Variants in CHRDL2 observed in about 807,000 individuals in gnomAD.
CHRDL2 encodes chordin-like protein 2.
CHRDL2 carries 41 observed loss-of-function variants against 54.3 expected under a neutral mutation model. That is an observed-to-expected ratio of 0.76 (90% CI 0.59 to 0.98). CHRDL2 has a LOEUF of 0.98. Ranked by LOEUF, CHRDL2 falls within the 50% of genes least tolerant of loss-of-function variation. The pLI is 0.00. For missense variants in CHRDL2, 518 were observed against 562.4 expected (o/e 0.92, Z 0.80); for synonymous variants, 220 against 224.3 (o/e 0.98, Z 0.17).
rs1390795792 is a variant in CHRDL2 at position 74,696,505 on chromosome 11, T to G, written c.*4A>C. ...AGCTCATATCTGCAACTGTTAGGTCTTTGTTATGTCTTGGTCACTTTGTCT... is the reference window on the plus strand; with the variant it reads ...AGCTCATATCTGCAACTGTTAGGTCGTTGTTATGTCTTGGTCACTTTGTCT... On this transcript the variant is annotated 3_prime_UTR_variant, in exon 11 of 11. Coordinates refer to ENST00000376332, the MANE Select transcript of CHRDL2 (RefSeq NM_001278473.3). 6.2e-7 allele frequency: 1 copy of G among 1,611,448 alleles called. No individual in the cohort carries two copies. The highest frequency in any genetic ancestry group is 1.3e-5 in the African/African-American group (1 of 74,874).
chr11:74,719,181 T>TC, intron 1 of CHRDL2: 1 of 192,720 alleles, frequency 5.2e-6, no homozygotes, highest in Non-Finnish European at 1.1e-5. Flanking sequence ...CCAGAGAGGG[T>TC]AAGTTACACC....
At chr11:74,705,004 A>T (rs1372550404) in intron 6 of CHRDL2, among the ~76,000 whole-genome samples, 1 of 152,116 alleles carries the variant, frequency 6.6e-6, no homozygotes, top group African/African-American at 2.4e-5. Context: ...TATTTGGGAA[A>T]CAGAAGGTGA....
intron 10 of CHRDL2, 138 bp from the exon 11 acceptor site, chr11:74,696,723 A>G: frequency 1.5e-6 from 1 of 662,886 alleles, no homozygotes; most frequent in Non-Finnish European, 2.7e-6. Context: ...GGGAGCCTGG[A>G]GGCGAGTGTG....
intron 9 of CHRDL2, chr11:74,697,631 G>A (rs11236219): frequency 1.3e-5 from 6 of 472,642 alleles, no homozygotes; most frequent in Admixed American, 4.7e-5. Context: ...ACGTCCTGTC[G>A]CCTCCACAGT....
At chr11:74,719,083 C>T (rs1025687096) in intron 1 of CHRDL2, 6 of 457,102 alleles carry the variant, frequency 1.3e-5, no homozygotes, top group African/African-American at 9.9e-5. Flanking sequence ...GCTTATCTCA[C>T]AGGGCAGTTA....
At chr11:74,716,450 G>A (rs967840206) in intron 2 of CHRDL2, among the ~76,000 whole-genome samples, 3 of 148,934 alleles carry the variant, frequency 2.0e-5, no homozygotes, top group East Asian at 2.0e-4. Flanking sequence ...CAGGAGCATC[G>A]CTTGAACCTG....
At chr11:74,715,797 G>A (rs2034332882) in intron 2 of CHRDL2, among the ~76,000 whole-genome samples, 1 of 151,404 alleles carries the variant, frequency 6.6e-6, no homozygotes. Flanking sequence ...TGGACAACAT[G>A]GTAAAACCCG....
intron 8 of CHRDL2, 125 bp downstream of exon 8, chr11:74,703,180 G>T: frequency 8.3e-7 from 1 of 1,207,898 alleles, no homozygotes; most frequent in Non-Finnish European, 1.1e-6. Flanking sequence ...GACATGCCCT[G>T]CATCCTGTGG....
intron 7 of CHRDL2, 81 bp from the exon 8 acceptor site, chr11:74,703,580 GGC>G: frequency 7.8e-7 from 1 of 1,281,024 alleles, no homozygotes; most frequent in Non-Finnish European, 1.1e-6. Flanking sequence ...GGGTGGGGTG[GGC>G]CCTTGGGGAG....
Position 74,713,415 on chromosome 11 carries a change from T to C in CHRDL2, c.260A>G (p.Glu87Gly). 1 of 1,614,068 alleles carries C rather than the reference T, an allele frequency of 6.2e-7. No individual in the cohort carries two copies. The highest frequency in any genetic ancestry group is 8.5e-7 in the Non-Finnish European group (1 of 1,179,990). The change falls in exon 3 of 11, where the codon GAG (glutamate) becomes GGG (glycine). Residue 87 changes from glutamate (E) to glycine (G), a missense_variant. By Grantham distance (98) the Glu-to-Gly change is moderately conservative. Transcript: ENST00000376332. Reference protein sequence around the residue: ...PPVHCPQPVTEPQQCCPKCVE... With the variant: ...PPVHCPQPVTGPQQCCPKCVE... ...ACACTTGGGACAGCATTGCTGTGGCTCCGTCACAGGCTGGGGGCAGTGGAC... is the reference window on the plus strand; with the variant it reads ...ACACTTGGGACAGCATTGCTGTGGCCCCGTCACAGGCTGGGGGCAGTGGAC...
At chr11:74,727,841 C>A (rs2034594981) in intron 1 of CHRDL2, among the ~76,000 whole-genome samples, 1 of 151,834 alleles carries the variant, frequency 6.6e-6, no homozygotes, top group Non-Finnish European at 1.5e-5. Context: ...AGGAGTAGGG[C>A]AGAAAGCACT....
intron 3 of CHRDL2, among the ~76,000 whole-genome samples, chr11:74,712,091 C>A (rs748215310): frequency 2.6e-5 from 4 of 151,972 alleles, no homozygotes; most frequent in Admixed American, 1.3e-4. Context: ...ATTACAGATA[C>A]AAGCCACCGT....
rs771903609 is a variant in CHRDL2, at chr11:74,706,555, A to G, written c.527-13T>C. ...TCACTTGCCTCATCTGAAAACTCAAAGGGAAGCTGGGTCAGCCTCAGGCTC... is the reference window on the plus strand; with the variant it reads ...TCACTTGCCTCATCTGAAAACTCAAGGGGAAGCTGGGTCAGCCTCAGGCTC... On this transcript the variant is annotated splice_polypyrimidine_tract_variant and intron_variant, in intron 5 of 10. Coordinates refer to ENST00000376332, the MANE Select transcript of CHRDL2 (RefSeq NM_001278473.3). 6.2e-7 allele frequency: 1 copy of G among 1,613,930 alleles called. No homozygotes were observed. The highest frequency in any genetic ancestry group is 1.7e-5 in the Admixed American group (1 of 60,012).
At position 74,702,882 on chromosome 11, in the gene CHRDL2, T is replaced by C; in HGVS notation, c.1032A>G (p.Val344=). Residue 344 remains valine (V), a synonymous_variant, in exon 9 of 11, where the codon GTA becomes GTG. Coordinates refer to ENST00000376332, the MANE Select transcript of CHRDL2 (RefSeq NM_001278473.3). ...GACGCAGGTTGTCTGGGCTTGGGGA[T>C]ACCGATGTGTGGACGAGGACCCGGC... ...APGRVLVHTS[V]SPSPDNLRRF... The C allele has an allele frequency of 6.2e-7, 1 of 1,614,170 alleles. No individual in the cohort carries two copies. The highest frequency in any genetic ancestry group is 8.5e-7 in the Non-Finnish European group (1 of 1,180,012).
intron 1 of CHRDL2, among the ~76,000 whole-genome samples, chr11:74,721,814 G>T (rs567824603): frequency 2.0e-5 from 3 of 152,370 alleles, no homozygotes; most frequent in South Asian, 2.1e-4. Flanking sequence ...GAGGGGGTAA[G>T]CTATGATCTT....
chr11:74,716,834 T>C (rs530109536), intron 2 of CHRDL2, among the ~76,000 whole-genome samples: 78 of 152,238 alleles, frequency 5.1e-4, no homozygotes, highest in African/African-American at 1.7e-3. Context: ...GGCTCACTCC[T>C]GTAATCCCAG....
chr11:74,716,149 C>T (rs965973777), intron 2 of CHRDL2, among the ~76,000 whole-genome samples: 1 of 151,990 alleles, frequency 6.6e-6, no homozygotes, highest in African/African-American at 2.4e-5. Flanking sequence ...AAGAACATTC[C>T]AAGTGGAGGA....
chr11:74,703,245 G>T, intron 8 of CHRDL2, 60 bp downstream of exon 8: 1 of 1,509,806 alleles, frequency 6.6e-7, no homozygotes, highest in Non-Finnish European at 8.9e-7. Flanking sequence ...TGGCCCTGGG[G>T]AGAGAGACCC....
At chr11:74,712,526 C>T (rs1271852265) in intron 3 of CHRDL2, among the ~76,000 whole-genome samples, 1 of 152,148 alleles carries the variant, frequency 6.6e-6, no homozygotes, top group Non-Finnish European at 1.5e-5. Flanking sequence ...GCCACTGTCC[C>T]CCCGGGGACC....
Sources: allele counts gnomAD v4.1 joint callset (sites outside exome capture counted in the v4.1 genomes callset), GRCh38; gene constraint gnomAD v4.1.1; transcripts MANE v1.5; gene names NCBI Gene and HGNC (gene_info 2026-07-23, HGNC 2026-07-21).